AK5: variants seen among roughly 807,000 people sequenced by gnomAD.
AK5 encodes adenylate kinase 5, also known as adenylate kinase isoenzyme 5.
A neutral mutation model predicts 69.5 loss-of-function variants in AK5; 27 were observed. The ratio of observed to expected loss-of-function variants is 0.39; its 90% CI spans 0.29 to 0.54. The LOEUF (loss-of-function observed/expected upper bound fraction) is 0.54. Among genes scored for constraint, AK5 ranks in the 20% least tolerant of loss-of-function variants. The pLI, the probability that AK5 is intolerant of heterozygous loss-of-function variation, is 0.71. For missense variants in AK5, 531 were observed against 700.4 expected, an observed-to-expected ratio of 0.76 and a Z score of 2.73; for synonymous variants, 260 against 244.4, an observed-to-expected ratio of 1.06 and a Z score of -0.60.
intron 6 of AK5, among the ~76,000 whole-genome samples, chr1:77,363,672 C>T (rs1646903000): frequency 6.6e-6 from 1 of 152,126 alleles, no homozygotes; most frequent in Non-Finnish European, 1.5e-5. Flanking sequence ...TTAGAGGCCC[C>T]ATGCACAATT....
chr1:77,411,439 G>T (rs1650038068), intron 7 of AK5, among the ~76,000 whole-genome samples: 1 of 152,072 alleles, frequency 6.6e-6, no homozygotes, highest in African/African-American at 2.4e-5. Context: ...CTCATTGCCT[G>T]GATAAAAGCA....
At chr1:77,371,877 G>A (rs1463509598) in intron 6 of AK5, among the ~76,000 whole-genome samples, 1 of 152,158 alleles carries the variant, frequency 6.6e-6, no homozygotes, top group African/African-American at 2.4e-5. Flanking sequence ...CATGGGAGAA[G>A]GAAGAGGGAA....
chr1:77,287,846 G>A (rs1052496675), intron 2 of AK5, among the ~76,000 whole-genome samples: 1 of 152,250 alleles, frequency 6.6e-6, no homozygotes, highest in Non-Finnish European at 1.5e-5. Flanking sequence ...AGCAGTGTAT[G>A]AATGGTTGAA....
chr1:77,558,730 A>G lies in AK5; in HGVS notation c.*60A>G. 8.3e-7 allele frequency: 1 copy of G among 1,211,176 alleles called. No individual in the cohort carries two copies. The highest frequency in any genetic ancestry group is 1.8e-5 in the Admixed American group (1 of 56,164). 75.0% of individuals were successfully genotyped at this position (1,211,176 alleles called of 1,614,324 possible). On this transcript the variant is annotated 3_prime_UTR_variant, in exon 14 of 14. Transcript: ENST00000354567. The stretch of plus-strand genomic sequence containing the variant: ...AAAAACATTAAAAAGTTCATTCCTT[A>G]ACACAATGTTTCAAGTTAAACCTTT...
chr1:77,423,239 A>AAAAAG (rs1352691974), intron 8 of AK5, among the ~76,000 whole-genome samples: 14 of 148,478 alleles, frequency 9.4e-5, no homozygotes, highest in Admixed American at 1.4e-4. Flanking sequence ...AATAAAAAAA[A>AAAAAG]AAGAAGAACT....
chr1:77,505,994 G>C (rs1305919166), intron 10 of AK5, among the ~76,000 whole-genome samples: 1 of 152,140 alleles, frequency 6.6e-6, no homozygotes, highest in Non-Finnish European at 1.5e-5. Flanking sequence ...GTACAAAGTA[G>C]GCTACAAAGT....
chr1:77,558,869 T>TATCA lies in AK5; in HGVS notation c.*201_*204dup, dbSNP rs960706259. The TATCA allele has an allele frequency of 2.7e-5, 15 of 558,578 alleles. No homozygotes were observed. The highest frequency in any genetic ancestry group is 1.9e-4 in the Admixed American group (6 of 31,004). 34.6% of individuals were successfully genotyped at this position (558,578 alleles called of 1,614,324 possible). On this transcript the variant is annotated 3_prime_UTR_variant, in exon 14 of 14. Coordinates refer to ENST00000354567, the MANE Select transcript of AK5 (RefSeq NM_174858.3). ...ATCATGCATGGTGTATTTGGGACTA[T>TATCA]ATCAACCTATTCTCCACACTTCAGA...
chr1:77,542,753 T>G (rs1406967496), intron 13 of AK5, among the ~76,000 whole-genome samples: 1 of 152,252 alleles, frequency 6.6e-6, no homozygotes, highest in Admixed American at 6.5e-5. Context: ...TAATCACCAA[T>G]GAACATTATG....
chr1:77,404,224 G>A (rs554586794), intron 6 of AK5, among the ~76,000 whole-genome samples: 1 of 152,086 alleles, frequency 6.6e-6, no homozygotes, highest in South Asian at 2.1e-4. Context: ...ATTTTTTCAC[G>A]ACTGACATTT....
chr1:77,288,089 CTAA>C (rs934190477), intron 2 of AK5, among the ~76,000 whole-genome samples: 1 of 152,186 alleles, frequency 6.6e-6, no homozygotes, highest in African/African-American at 2.4e-5. Flanking sequence ...ACACATTAAT[CTAA>C]TCTAGGCATT....
chr1:77,459,477 C>G (rs924886004), intron 8 of AK5, among the ~76,000 whole-genome samples: 1 of 152,278 alleles, frequency 6.6e-6, no homozygotes, highest in Admixed American at 6.5e-5. Context: ...CACTCATCTG[C>G]TTAACCCAGT....
At chr1:77,342,418 T>A (rs1661702315) in intron 6 of AK5, among the ~76,000 whole-genome samples, 1 of 152,188 alleles carries the variant, frequency 6.6e-6, no homozygotes, top group South Asian at 2.1e-4. Flanking sequence ...TTTACTAATA[T>A]TTTGCATGGA....
intron 8 of AK5, among the ~76,000 whole-genome samples, chr1:77,419,055 A>G (rs1346850410): frequency 6.6e-6 from 1 of 152,126 alleles, no homozygotes; most frequent in East Asian, 1.9e-4. Context: ...CACAGACAAA[A>G]AAAAAAAGGA....
intron 8 of AK5, among the ~76,000 whole-genome samples, chr1:77,430,797 A>G (rs930870774): frequency 1.3e-5 from 2 of 152,224 alleles, no homozygotes; most frequent in Non-Finnish European, 2.9e-5. Context: ...GGCTGAGAAG[A>G]TAAGGAAGAG....
At chr1:77,321,570 A>G (rs1660536688) in intron 5 of AK5, among the ~76,000 whole-genome samples, 2 of 152,242 alleles carry the variant, frequency 1.3e-5, no homozygotes, top group African/African-American at 2.4e-5. Flanking sequence ...TAAGTTCATT[A>G]AAAAACCAGC....
At chr1:77,399,703 A>G (rs1259558399) in intron 6 of AK5, among the ~76,000 whole-genome samples, 2 of 152,052 alleles carry the variant, frequency 1.3e-5, no homozygotes, top group African/African-American at 4.8e-5. Flanking sequence ...GGCTAGGCCC[A>G]CTCTTCCTTT....
intron 8 of AK5, among the ~76,000 whole-genome samples, chr1:77,466,747 C>T (rs1291071731): frequency 1.3e-5 from 2 of 152,202 alleles, no homozygotes; most frequent in Non-Finnish European, 2.9e-5. Flanking sequence ...CGGCAGAGAA[C>T]CCACATCCAC....
intron 6 of AK5, among the ~76,000 whole-genome samples, chr1:77,400,798 A>ATTT (rs1299120362): frequency 6.6e-6 from 1 of 152,158 alleles, no homozygotes; most frequent in Admixed American, 6.5e-5. Flanking sequence ...AAGATTCTGT[A>ATTT]CAGAAGGCTT....
chr1:77,414,223 G>A (rs190410892), intron 7 of AK5, among the ~76,000 whole-genome samples: 3 of 152,052 alleles, frequency 2.0e-5, no homozygotes, highest in Admixed American at 6.5e-5. Flanking sequence ...TTTAATTTTC[G>A]TTAAAATTAA....
Sources: gnomAD v4.1 joint callset for allele counts (sites outside exome capture counted in the v4.1 genomes callset) on GRCh38, gnomAD v4.1.1 for gene constraint, MANE v1.5 for transcripts, NCBI Gene and HGNC (gene_info 2026-07-23, HGNC 2026-07-21) for gene names.